ZYG11A: variants seen among roughly 807,000 people sequenced by gnomAD.
The protein encoded by ZYG11A is zyg-11 family member A, cell cycle regulator, also known as protein zyg-11 homolog A.
Under a neutral mutation model 77.2 loss-of-function variants are expected in ZYG11A, and 62 were observed. That is an observed-to-expected ratio of 0.80 (90% CI 0.65 to 0.99). The LOEUF is 0.99. Ranked by LOEUF, ZYG11A falls within the 50% of genes least tolerant of loss-of-function variation. ZYG11A has a pLI of 0.00. For synonymous variants in ZYG11A, 315 were observed against 324.6 expected (o/e 0.97, Z 0.32); for missense variants, 828 against 896.8 (o/e 0.92, Z 0.98).
chr1:52,865,837 T>TG (rs1466905323), intron 5 of ZYG11A, among the ~76,000 whole-genome samples: 1 of 151,918 alleles, frequency 6.6e-6, no homozygotes, highest in East Asian at 1.9e-4. Flanking sequence ...TGGAACTCTC[T>TG]GGGGGTGATA....
At chr1:52,844,279 CTT>C (rs1278849333) in intron 1 of ZYG11A, among the ~76,000 whole-genome samples, 1 of 152,208 alleles carries the variant, frequency 6.6e-6, no homozygotes, top group South Asian at 2.1e-4. Flanking sequence ...TGTTGGAAGA[CTT>C]TGTGCCCTGC....
chr1:52,876,289 A>C (rs2150013776), intron 8 of ZYG11A, among the ~76,000 whole-genome samples: 1 of 152,238 alleles, frequency 6.6e-6, no homozygotes, highest in East Asian at 1.9e-4. Context: ...TAATATGTTG[A>C]ATGTTGGGAG....
chr1:52,881,755 G>GA, intron 11 of ZYG11A, 90 bp downstream of exon 11: 2 of 1,053,836 alleles, frequency 1.9e-6, no homozygotes, highest in Non-Finnish European at 2.7e-6. Context: ...TATGATTGTA[G>GA]AAAGTGGGAA....
At position 52,857,103 on chromosome 1, in the gene ZYG11A, C is replaced by G. The variant is rs1238607395; in HGVS notation, c.362C>G (p.Ala121Gly). 1 of 1,551,730 alleles carries G rather than the reference C, an allele frequency of 6.4e-7. No homozygotes were observed. The highest frequency in any genetic ancestry group is 8.7e-7 in the Non-Finnish European group (1 of 1,147,014). The stretch of plus-strand genomic sequence containing the variant: ...ATCTCTACAGCTGCATTCATAAAAG[C>G]CTTCTGCCGTCATAAGCTCATTGAA... ...AKISTAAFIKAFCRHKLIELN... is the reference protein window; with the variant it reads ...AKISTAAFIKGFCRHKLIELN... The change falls in exon 3 of 14, where the codon GCC becomes GGC. Residue 121 changes from alanine (A) to glycine (G), a missense_variant. Transcript: ENST00000371528.
intron 1 of ZYG11A, among the ~76,000 whole-genome samples, chr1:52,844,748 TG>T (rs1645530392): frequency 6.6e-6 from 1 of 152,086 alleles, no homozygotes; most frequent in African/African-American, 2.4e-5. Flanking sequence ...ATTACAGGCA[TG>T]AGCCACCGTG....
chr1:52,859,756 C>T (rs1390314917), intron 3 of ZYG11A, among the ~76,000 whole-genome samples: 1 of 136,134 alleles, frequency 7.3e-6, no homozygotes, highest in Non-Finnish European at 1.5e-5. Flanking sequence ...CGGCTCACTG[C>T]AACCTCTGCC....
intron 13 of ZYG11A, among the ~76,000 whole-genome samples, chr1:52,887,586 A>G (rs1646473785): frequency 6.6e-6 from 1 of 151,968 alleles, no homozygotes; most frequent in South Asian, 2.1e-4. Flanking sequence ...GCAATTTAAA[A>G]TCCCTTTTGA....
At chr1:52,870,081 C>T (rs1646124840) in intron 8 of ZYG11A, among the ~76,000 whole-genome samples, 1 of 150,376 alleles carries the variant, frequency 6.6e-6, no homozygotes, top group South Asian at 2.1e-4. Flanking sequence ...CGCGGCCGGG[C>T]AGAGGCGCTC....
At chr1:52,887,184 C>G in intron 13 of ZYG11A, 131 bp downstream of exon 13, 1 of 401,908 alleles carries the variant, frequency 2.5e-6, no homozygotes, top group Non-Finnish European at 4.4e-6. Flanking sequence ...TAAAAAGAAA[C>G]TGAAAAAAGA....
chr1:52,864,973 A>AT (rs1275124120), intron 5 of ZYG11A, among the ~76,000 whole-genome samples: 10 of 150,286 alleles, frequency 6.7e-5, no homozygotes, highest in African/African-American at 2.2e-4. Flanking sequence ...TATTTTTATT[A>AT]TTTTTTTTGA....
chr1:52,886,239 G>A (rs1646448851), intron 12 of ZYG11A, among the ~76,000 whole-genome samples: 1 of 152,062 alleles, frequency 6.6e-6, no homozygotes, highest in East Asian at 1.9e-4. Context: ...GCCCAGTGTT[G>A]AGCTTTTCTT....
chr1:52,850,599 TGA>T (rs1271847572), intron 1 of ZYG11A, among the ~76,000 whole-genome samples: 4 of 152,168 alleles, frequency 2.6e-5, no homozygotes, highest in African/African-American at 9.7e-5. Flanking sequence ...ATTATAGGCG[TGA>T]GCCACCGCGC....
intron 8 of ZYG11A, among the ~76,000 whole-genome samples, chr1:52,869,651 C>T (rs1646102956): frequency 6.6e-6 from 1 of 152,172 alleles, no homozygotes; most frequent in South Asian, 2.1e-4. Context: ...CCTCTTTCTA[C>T]ACAGACACAG....
At chr1:52,864,290 G>A (rs1019487172) in intron 5 of ZYG11A, 133 bp downstream of exon 5, 57 of 919,738 alleles carry the variant, frequency 6.2e-5, no homozygotes, top group Admixed American at 2.2e-4. Flanking sequence ...CTGTCGCCCA[G>A]GCTGGAGTGC....
In ZYG11A at chr1:52,857,242, C is replaced by CATCCCTCAAAATTCAAGAT; in HGVS notation, c.502_520dup (p.Leu174TyrfsTer11). The CATCCCTCAAAATTCAAGAT allele has an allele frequency of 6.4e-7, 1 of 1,552,250 alleles. No homozygotes were observed. The highest frequency in any genetic ancestry group is 8.7e-7 in the Non-Finnish European group (1 of 1,147,144). The stretch of plus-strand genomic sequence containing the variant: ...AGTGTCTCCTGTTAGACTCGACAAG[C>CATCCCTCAAAATTCAAGAT]ATCCCTCAAAATTCAAGATTACTGT... On this transcript the variant is annotated frameshift_variant, in exon 3 of 14. Transcript: ENST00000371528. LOFTEE classifies it high-confidence loss of function.
intron 1 of ZYG11A, among the ~76,000 whole-genome samples, chr1:52,846,685 G>A (rs1645591967): frequency 6.6e-6 from 1 of 151,778 alleles, no homozygotes; most frequent in South Asian, 2.1e-4. Context: ...CATGCTCTGA[G>A]TTTTTAATTT....
At chr1:52,885,716 GAT>G (rs1646438686) in intron 11 of ZYG11A, 115 bp from the exon 12 acceptor site, 1 of 692,594 alleles carries the variant, frequency 1.4e-6, no homozygotes, top group Non-Finnish European at 2.4e-6. Context: ...TTATGTGATT[GAT>G]ATTTTGCCAA....
At chr1:52,858,627 T>C (rs756853622) in intron 3 of ZYG11A, among the ~76,000 whole-genome samples, 66 of 150,690 alleles carry the variant, frequency 4.4e-4, no homozygotes, top group Admixed American at 3.9e-3. Context: ...TTATTTTTTT[T>C]TGGAGACTGA....
intron 4 of ZYG11A, among the ~76,000 whole-genome samples, chr1:52,862,245 C>T (rs72897310): frequency 2.0e-5 from 3 of 150,814 alleles, no homozygotes; most frequent in Non-Finnish European, 3.0e-5. Context: ...CATGGTTGTA[C>T]ATGCCTATAG....
Sources: allele counts gnomAD v4.1 joint callset (sites outside exome capture counted in the v4.1 genomes callset), GRCh38; gene constraint gnomAD v4.1.1; transcripts MANE v1.5; gene names NCBI Gene and HGNC (gene_info 2026-07-23, HGNC 2026-07-21).